Variants in RCBTB2 observed in about 807,000 individuals in gnomAD.
RCBTB2 encodes the protein RCC1 and BTB domain containing protein 2, also known as RCC1 and BTB domain-containing protein 2.
Under a neutral mutation model 65.4 loss-of-function variants are expected in RCBTB2, and 55 were observed. That is an observed-to-expected ratio of 0.84 (90% confidence interval 0.68 to 1.05). The LOEUF is 1.05. Ranked by LOEUF, RCBTB2 falls within the 50% of genes least tolerant of loss-of-function variation. The pLI, the probability that RCBTB2 is intolerant of heterozygous loss-of-function variation, is 0.00. For synonymous variants in RCBTB2, 220 were observed against 255.2 expected, an observed-to-expected ratio of 0.86 and a Z score of 1.31; for missense variants, 599 against 680.1, an observed-to-expected ratio of 0.88 and a Z score of 1.33.
At chr13:48,522,948 T>G (rs193171565) in intron 2 of RCBTB2, among the ~76,000 whole-genome samples, 4 of 152,316 alleles carry the variant, frequency 2.6e-5, no homozygotes, top group African/African-American at 9.6e-5. Flanking sequence ...GTAATTTTTT[T>G]CCTCAGCTAT....
intron 10 of RCBTB2, among the ~76,000 whole-genome samples, chr13:48,509,601 T>C (rs567460666): frequency 6.6e-6 from 1 of 152,244 alleles, no homozygotes; most frequent in South Asian, 2.1e-4. Flanking sequence ...GGGCCAGGGG[T>C]CTTAAATTTT....
chr13:48,511,751 A>G lies in RCBTB2; in HGVS notation c.783+19T>C, dbSNP rs1193164331. On this transcript the variant is annotated intron_variant, in intron 9 of 14. Transcript: ENST00000344532. The stretch of plus-strand genomic sequence containing the variant: ...CGAAGACTTAAAAATACACGCACAC[A>G]AACTGACAGTGGACGTACCCTCTGG... 1.9e-6 allele frequency: 3 copies of G among 1,599,744 alleles called. No individual in the cohort carries two copies. Among genetic ancestry groups the G allele is most frequent in the Non-Finnish European group, 2.6e-6 (3 of 1,171,464 alleles).
intron 13 of RCBTB2, among the ~76,000 whole-genome samples, chr13:48,498,930 G>T (rs556325681): frequency 2.6e-5 from 4 of 151,996 alleles, no homozygotes; most frequent in African/African-American, 9.7e-5. Context: ...AATCCCATCA[G>T]CAACCTCTTT....
At chr13:48,493,229 A>ACACACACAC (rs2138397976) in intron 14 of RCBTB2, among the ~76,000 whole-genome samples, 1 of 134,538 alleles carries the variant, frequency 7.4e-6, no homozygotes, top group Admixed American at 7.0e-5. Context: ...CCTCCTTCAC[A>ACACACACAC]CACACACACA....
chr13:48,506,144 G>A (rs1388592677), intron 10 of RCBTB2, among the ~76,000 whole-genome samples: 2 of 152,220 alleles, frequency 1.3e-5, no homozygotes, highest in Non-Finnish European at 2.9e-5. Flanking sequence ...CTGTGAGGTG[G>A]AGAGCAATGC....
chr13:48,508,255 G>A (rs1950601126), intron 10 of RCBTB2, among the ~76,000 whole-genome samples: 1 of 152,222 alleles, frequency 6.6e-6, no homozygotes, highest in African/African-American at 2.4e-5. Context: ...GTGGAGAAGT[G>A]CAGAACAAGT....
intron 1 of RCBTB2, among the ~76,000 whole-genome samples, chr13:48,526,097 T>C (rs1399174527): frequency 6.6e-6 from 1 of 152,130 alleles, no homozygotes; most frequent in African/African-American, 2.4e-5. Flanking sequence ...ATGGAGAGAT[T>C]AAGGTTACCC....
intron 9 of RCBTB2, among the ~76,000 whole-genome samples, chr13:48,511,199 T>C (rs1950774434): frequency 6.6e-6 from 1 of 152,206 alleles, no homozygotes; most frequent in South Asian, 2.1e-4. Context: ...TATGTACCTA[T>C]AGCATTTTTT....
rs555818636 is a variant in RCBTB2 at position 48,490,078 on chromosome 13, T to C, written c.*33A>G. 12 of 1,612,332 alleles carry C rather than the reference T, an allele frequency of 7.4e-6. No homozygotes were observed. The South Asian group carries it at 7.7e-5, about 10-fold the overall frequency. ...TCATCTCTGGCTTTTGCAGGGGAAATGGAAAGGCTCAAAAACTTTCCTGCA... is the reference window on the plus strand; with the variant it reads ...TCATCTCTGGCTTTTGCAGGGGAAACGGAAAGGCTCAAAAACTTTCCTGCA... On this transcript the variant is annotated 3_prime_UTR_variant, in exon 15 of 15. Transcript: ENST00000344532.
At chr13:48,496,888 C>G (rs1381311371) in intron 13 of RCBTB2, among the ~76,000 whole-genome samples, 1 of 148,530 alleles carries the variant, frequency 6.7e-6, no homozygotes, top group Non-Finnish European at 1.5e-5. Context: ...ACGTGTCTTC[C>G]TCCTGTTACC....
At chr13:48,501,433 G>A (rs1004096218) in intron 12 of RCBTB2, among the ~76,000 whole-genome samples, 1 of 152,116 alleles carries the variant, frequency 6.6e-6, no homozygotes, top group Non-Finnish European at 1.5e-5. Flanking sequence ...ACTGATGGAC[G>A]TCCAAGTATC....
intron 14 of RCBTB2, among the ~76,000 whole-genome samples, chr13:48,493,309 A>ACTCTCTCTCTCTCTCTCTCTCTCT (rs1429120157): frequency 4.2e-5 from 2 of 47,926 alleles, no homozygotes; most frequent in East Asian, 8.3e-4. Flanking sequence ...ACACACACAC[A>ACTCTCTCTCTCTCTCTCTCTCTCT]CACACACTCT....
At chr13:48,524,310 C>T (rs1951588905) in intron 2 of RCBTB2, among the ~76,000 whole-genome samples, 1 of 152,150 alleles carries the variant, frequency 6.6e-6, no homozygotes, top group Non-Finnish European at 1.5e-5. Context: ...AAGCCATATC[C>T]ATGATGTGAT....
chr13:48,532,784 C>T, intron 1 of RCBTB2: 1 of 309,744 alleles, frequency 3.2e-6, no homozygotes, highest in South Asian at 2.3e-5. Flanking sequence ...TGCCTGCGGC[C>T]TGGGCTGGGT....
intron 10 of RCBTB2, among the ~76,000 whole-genome samples, chr13:48,508,048 A>C (rs1950590247): frequency 6.6e-6 from 1 of 152,258 alleles, no homozygotes; most frequent in Non-Finnish European, 1.5e-5. Flanking sequence ...AGCAAAGAAA[A>C]CAATGTAGAC....
chr13:48,517,978 C>T (rs9316391), intron 4 of RCBTB2, among the ~76,000 whole-genome samples: 6,597 of 152,174 alleles, frequency 0.043, 316 homozygotes, highest in African/African-American at 0.11. Context: ...GGGAAGAAGG[C>T]CAGATGACAA....
At chr13:48,520,381 G>C (rs900316264) in intron 4 of RCBTB2, among the ~76,000 whole-genome samples, 11 of 152,136 alleles carry the variant, frequency 7.2e-5, no homozygotes, top group African/African-American at 2.7e-4. Context: ...TCTGTATGGG[G>C]AAAAAAGCAC....
At chr13:48,531,262 G>A (rs1593839913) in intron 1 of RCBTB2, among the ~76,000 whole-genome samples, 1 of 152,172 alleles carries the variant, frequency 6.6e-6, no homozygotes, top group Non-Finnish European at 1.5e-5. Flanking sequence ...AATCTAGGTT[G>A]AGTTCAGTAA....
At chr13:48,515,554 G>A (rs2138567037) in intron 5 of RCBTB2, 32 bp downstream of exon 5, 1 of 1,551,716 alleles carries the variant, frequency 6.4e-7, no homozygotes, top group Non-Finnish European at 8.7e-7. Context: ...TTCTAAAAAT[G>A]TGAGTAGCTG....
Sources: gnomAD v4.1 joint callset for allele counts (sites outside exome capture counted in the v4.1 genomes callset) on GRCh38, gnomAD v4.1.1 for gene constraint, MANE v1.5 for transcripts, NCBI Gene and HGNC (gene_info 2026-07-23, HGNC 2026-07-21) for gene names.